Variants in MBD2 observed in about 807,000 individuals in gnomAD.
MBD2 encodes methyl-CpG binding domain protein 2.
Under a neutral mutation model 39.3 loss-of-function variants are expected in MBD2, and 9 were observed. The observed-to-expected ratio is 0.23, with a 90% CI of 0.14 to 0.40. MBD2 has a LOEUF of 0.40. Among genes scored for constraint, MBD2 ranks in the 10% least tolerant of loss-of-function variants. The pLI, the probability that MBD2 is intolerant of heterozygous loss-of-function variation, is 1.00. For missense variants in MBD2, 458 were observed against 532.6 expected (o/e 0.86, Z 1.38); for synonymous variants, 233 against 211.1 (o/e 1.10, Z -0.90).
In MBD2 at chr18:54,223,801, C is replaced by T. The variant is rs111496125; in HGVS notation, c.542+217G>A. Among the ~76,000 whole-genome samples, 775 of 152,246 alleles carry T rather than the reference C, an allele frequency of 5.1e-3. 10 individuals carry two copies. The highest frequency in any genetic ancestry group is 0.016 in the African/African-American group (661 of 41,540). ...AAACCATCTTCCCCGACGCCTTCCA[C>T]ATAAGATGCCCTCCTGCGGGCCCTC... On this transcript the variant is annotated intron_variant, in intron 1 of 6. Coordinates refer to ENST00000256429, the MANE Select transcript of MBD2 (RefSeq NM_003927.5).
intron 5 of MBD2, among the ~76,000 whole-genome samples, chr18:54,162,920 C>T (rs145596188): frequency 0.01 from 1,555 of 152,226 alleles, 26 homozygotes; most frequent in African/African-American, 0.035. Context: ...CCTAGCTAGA[C>T]TTACCCATTT....
rs16957892 is a variant in MBD2 at position 54,167,685 on chromosome 18, C to T, written c.841-1519G>A. Among the ~76,000 whole-genome samples the T allele has an allele frequency of 3.0e-3, 464 of 152,250 alleles. 7 individuals carry two copies. The highest frequency in any genetic ancestry group is 0.01 in the African/African-American group (431 of 41,538). On this transcript the variant is annotated intron_variant, in intron 3 of 6. Transcript: ENST00000256429. ...TATGCTGAATTTGTAATAAGCACAA[C>T]GCTAGCACCAAGGAAGGCCTTTGGT... is the stretch of plus-strand genomic sequence containing the variant.
intron 3 of MBD2, 126 bp from the exon 4 acceptor site, chr18:54,166,292 A>AT (rs1156238638): frequency 1.6e-6 from 1 of 638,604 alleles, no homozygotes; most frequent in East Asian, 2.7e-5. Flanking sequence ...TTTTTTCCTT[A>AT]TAAAAAGCTA....
At chr18:54,163,859 A>C (rs186154313) in intron 5 of MBD2, among the ~76,000 whole-genome samples, 5 of 152,032 alleles carry the variant, frequency 3.3e-5, no homozygotes, top group African/African-American at 1.2e-4. Flanking sequence ...GCAATCAGAA[A>C]AGGCATAACT....
intron 1 of MBD2, among the ~76,000 whole-genome samples, chr18:54,213,949 A>C (rs1599109762): frequency 6.6e-6 from 1 of 151,750 alleles, no homozygotes; most frequent in Non-Finnish European, 1.5e-5. Flanking sequence ...ATGCCCAAAA[A>C]CCAGACTGGA....
chr18:54,189,287 G>T (rs948507425), intron 2 of MBD2, among the ~76,000 whole-genome samples: 1 of 149,000 alleles, frequency 6.7e-6, no homozygotes, highest in African/African-American at 2.5e-5. Context: ...GCAGTGGCGC[G>T]ATCTAGGCTC....
At chr18:54,164,868 A>G (rs1205121768) in intron 4 of MBD2, among the ~76,000 whole-genome samples, 168 bp from the exon 5 acceptor site, 1 of 152,250 alleles carries the variant, frequency 6.6e-6, no homozygotes, top group Non-Finnish European at 1.5e-5. Context: ...GATATGACAC[A>G]CTAAAGAATT....
At chr18:54,158,201 C>T (rs775976301) in intron 6 of MBD2, among the ~76,000 whole-genome samples, 1 of 152,068 alleles carries the variant, frequency 6.6e-6, no homozygotes, top group Non-Finnish European at 1.5e-5. Context: ...CCCCCCACCC[C>T]TCCCCAGACA....
chr18:54,159,759 G>C lies in MBD2; in HGVS notation c.*12+6C>G. The C allele has an allele frequency of 6.2e-7, 1 of 1,606,458 alleles. No homozygotes were observed. The highest frequency in any genetic ancestry group is 2.2e-5 in the East Asian group (1 of 44,870). ...TTCCAAGTCACTCTCTCTGGTGTCA[G>C]TTTACCTGATCATATTCTTAGGCTT... On this transcript the variant is annotated splice_donor_region_variant and intron_variant, in intron 6 of 6. Transcript: ENST00000256429.
At chr18:54,157,122 G>A (rs572260943) in intron 6 of MBD2, among the ~76,000 whole-genome samples, 2 of 151,980 alleles carry the variant, frequency 1.3e-5, no homozygotes, top group Non-Finnish European at 2.9e-5. Context: ...AAGACTTCCA[G>A]CATATTAAGT....
At chr18:54,205,635 C>G (rs946462633) in intron 1 of MBD2, among the ~76,000 whole-genome samples, 1 of 151,208 alleles carries the variant, frequency 6.6e-6, no homozygotes, top group African/African-American at 2.4e-5. Context: ...CAGGGAACTC[C>G]GTAACTTCCC....
At chr18:54,175,657 G>T (rs1306553770) in intron 3 of MBD2, among the ~76,000 whole-genome samples, 2 of 152,134 alleles carry the variant, frequency 1.3e-5, no homozygotes, top group African/African-American at 4.8e-5. Flanking sequence ...CTAGTAGAGA[G>T]AACTTGTGTC....
chr18:54,196,588 G>T (rs1173673528), intron 2 of MBD2, among the ~76,000 whole-genome samples: 2 of 151,950 alleles, frequency 1.3e-5, no homozygotes, highest in Non-Finnish European at 2.9e-5. Flanking sequence ...TTTTCTGTAG[G>T]GCTTAATTCT....
At chr18:54,175,331 A>C (rs1271203492) in intron 3 of MBD2, among the ~76,000 whole-genome samples, 4 of 152,246 alleles carry the variant, frequency 2.6e-5, no homozygotes, top group Non-Finnish European at 5.9e-5. Flanking sequence ...TAGAAAAGCC[A>C]GGCGTGAAGC....
At chr18:54,204,478 A>G (rs1010797202) in intron 2 of MBD2, among the ~76,000 whole-genome samples, 1 of 152,242 alleles carries the variant, frequency 6.6e-6, no homozygotes, top group Non-Finnish European at 1.5e-5. Context: ...ATTGCTATAC[A>G]ATAAACTATC....
chr18:54,203,172 C>T (rs1183174415), intron 2 of MBD2: 1 of 1,591,276 alleles, frequency 6.3e-7, no homozygotes. Context: ...ACATAAGTGT[C>T]AGAAAATAAA....
intron 4 of MBD2, among the ~76,000 whole-genome samples, chr18:54,165,090 G>T (rs532752290): frequency 6.6e-6 from 1 of 152,116 alleles, no homozygotes; most frequent in African/African-American, 2.4e-5. Context: ...TTTGTGAAGC[G>T]ACTATACTCA....
At chr18:54,219,952 C>T (rs1327289270) in intron 1 of MBD2, among the ~76,000 whole-genome samples, 1 of 152,188 alleles carries the variant, frequency 6.6e-6, no homozygotes, top group Non-Finnish European at 1.5e-5. Flanking sequence ...AGGCATCTGC[C>T]ACCATGCCTG....
intron 2 of MBD2, among the ~76,000 whole-genome samples, chr18:54,201,046 C>T (rs1249765740): frequency 6.6e-6 from 1 of 150,968 alleles, no homozygotes; most frequent in East Asian, 1.9e-4. Flanking sequence ...CGCCACTGCA[C>T]TCCAGCCTGG....
Sources: allele counts gnomAD v4.1 joint callset (sites outside exome capture counted in the v4.1 genomes callset), GRCh38; gene constraint gnomAD v4.1.1; transcripts MANE v1.5; gene names NCBI Gene and HGNC (gene_info 2026-07-23, HGNC 2026-07-21).